Variants in BPIFB2 observed in about 807,000 individuals in gnomAD.
The protein encoded by BPIFB2 is BPI fold-containing family B member 2.
BPIFB2 carries 39 observed loss-of-function variants against 50.1 expected under a neutral mutation model. The ratio of observed to expected loss-of-function variants is 0.78; its 90% confidence interval spans 0.60 to 1.02. The LOEUF is 1.02. Ranked by LOEUF, BPIFB2 falls within the 50% of genes least tolerant of loss-of-function variation. BPIFB2 has a pLI of 0.00. For missense variants in BPIFB2, 574 were observed against 585.8 expected (o/e 0.98, Z 0.21); for synonymous variants, 280 against 256.3 (o/e 1.09, Z -0.88).
rs764106425 is a variant in BPIFB2 at position 33,020,351 on chromosome 20, C to T, written c.1104C>T (p.Leu368=). The T allele has an allele frequency of 1.9e-6, 3 of 1,614,148 alleles. No individual in the cohort carries two copies. Among genetic ancestry groups the T allele is most frequent in the Non-Finnish European group, 1.7e-6 (2 of 1,180,010 alleles). The change falls in exon 12 of 16, where the codon CTC becomes CTT. Residue 368 remains leucine, a synonymous_variant. Transcript: ENST00000170150. ...AGGTAGTGAACTTGAGACTCCAGCT[C>T]TCTGTGTCCAAGGTGAAGCTTCAGG... ...LDVVVNLRLQ[L]SVSKVKLQGT... is the part of the protein sequence containing the mutation.
intron 6 of BPIFB2, among the ~76,000 whole-genome samples, chr20:33,016,088 G>A (rs1250068322): frequency 1.3e-5 from 2 of 152,044 alleles, no homozygotes; most frequent in African/African-American, 4.8e-5. Context: ...TAGCCCAGGG[G>A]CTAGGGTCCC....
chr20:33,017,081 G>A lies in BPIFB2; in HGVS notation c.556G>A (p.Val186Ile). Reference protein sequence around the residue: ...SISNLVQGVNVHLGTLIGLNP... With the variant: ...SISNLVQGVNIHLGTLIGLNP... ...CTCCAACCTGGTGCAGGGTGTCAATGTCCACCTGGGCACCTTAATTGGTAA... is the reference window on the plus strand; with the variant it reads ...CTCCAACCTGGTGCAGGGTGTCAATATCCACCTGGGCACCTTAATTGGTAA... The change falls in exon 7 of 16, where the codon GTC becomes ATC. Residue 186 changes from valine to isoleucine, a missense_variant. Coordinates refer to ENST00000170150, the MANE Select transcript of BPIFB2 (RefSeq NM_025227.3). 2 of 1,614,092 alleles carry A rather than the reference G, an allele frequency of 1.2e-6. No individual in the cohort carries two copies. Among genetic ancestry groups the A allele is most frequent in the South Asian group, 1.1e-5 (1 of 91,074 alleles).
chr20:33,023,486 C>T lies in BPIFB2; in HGVS notation c.*103C>T, dbSNP rs1978758607. 6 of 1,366,814 alleles carry T rather than the reference C, an allele frequency of 4.4e-6. No individual in the cohort carries two copies. Among genetic ancestry groups the T allele is most frequent in the Non-Finnish European group, 6.2e-6 (6 of 964,540 alleles). The allele number at this position is 1,366,814 out of a possible 1,614,324, so 84.7% of individuals were successfully genotyped here. On this transcript the variant is annotated 3_prime_UTR_variant, in exon 16 of 16. Transcript: ENST00000170150. ...CTGAGGCAAAACCATACTTAGTCAT[C>T]ACCAACAAGCTGGACTGCTTAGCTG...
At chr20:33,016,979 C>A in intron 6 of BPIFB2, 63 bp from the exon 7 acceptor site, 14 of 1,492,952 alleles carry the variant, frequency 9.4e-6, no homozygotes, top group Non-Finnish European at 1.3e-5. Flanking sequence ...CCCCTCTCAG[C>A]CTTGTGCCCT....
Position 33,021,708 on chromosome 20 carries a change from C to T in BPIFB2, c.1259-15C>T. On this transcript the variant is annotated splice_polypyrimidine_tract_variant and intron_variant, in intron 14 of 15. Coordinates refer to ENST00000170150, the MANE Select transcript of BPIFB2 (RefSeq NM_025227.3). ...TGGCTCCAGGGGACGATCCTTTCTT[C>T]TTTCTCGCCTGCAGCTCTCTTGGCC... 6.2e-7 allele frequency: 1 copy of T among 1,613,612 alleles called. No homozygotes were observed. The highest frequency in any genetic ancestry group is 2.2e-5 in the East Asian group (1 of 44,884).
At chr20:33,016,155 G>A (rs1978420674) in intron 6 of BPIFB2, among the ~76,000 whole-genome samples, 1 of 151,974 alleles carries the variant, frequency 6.6e-6, no homozygotes, top group African/African-American at 2.4e-5. Context: ...CCCCACTACT[G>A]CTTTAAGGGG....
At position 33,019,601 on chromosome 20, in the gene BPIFB2, C is replaced by A; in HGVS notation, c.931C>A (p.Pro311Thr). ...CCAGGTGGCCCGCCAGTTTCCCGAGCCCATGCCTGTGGTGCTCAAGGTGCG... is the reference window on the plus strand; with the variant it reads ...CCAGGTGGCCCGCCAGTTTCCCGAGACCATGCCTGTGGTGCTCAAGGTGCG... ...IPEVARQFPE[P>T]MPVVLKVRLG... The change falls in exon 11 of 16, where the codon CCC (proline) becomes ACC (threonine). Residue 311 changes from proline (P) to threonine (T), a missense_variant. Transcript: ENST00000170150. 6.3e-7 allele frequency: 1 copy of A among 1,597,512 alleles called. No individual in the cohort carries two copies. Among genetic ancestry groups the A allele is most frequent in the Non-Finnish European group, 8.5e-7 (1 of 1,169,642 alleles).
At chr20:33,023,278 G>C in intron 15 of BPIFB2, 64 bp from the exon 16 acceptor site, 2 of 1,517,152 alleles carry the variant, frequency 1.3e-6, no homozygotes, top group Non-Finnish European at 1.8e-6. Flanking sequence ...GCCAGGCTGA[G>C]GGGGCGGCTG....
At chr20:33,010,018 C>T (rs1001932222) in intron 2 of BPIFB2, among the ~76,000 whole-genome samples, 3 of 152,294 alleles carry the variant, frequency 2.0e-5, no homozygotes, top group East Asian at 1.9e-4. Flanking sequence ...TGGAAACCAC[C>T]GCCTTTATGC....
intron 4 of BPIFB2, among the ~76,000 whole-genome samples, chr20:33,013,400 T>C (rs1451366015): frequency 6.6e-6 from 1 of 152,208 alleles, no homozygotes; most frequent in African/African-American, 2.4e-5. Flanking sequence ...ACACTATGAT[T>C]TTATGATTGC....
At chr20:33,015,612 A>C in intron 6 of BPIFB2, 116 bp downstream of exon 6, 1 of 749,448 alleles carries the variant, frequency 1.3e-6, no homozygotes. Flanking sequence ...AAAAAAAAAA[A>C]AGACGCCCCT....
intron 4 of BPIFB2, among the ~76,000 whole-genome samples, chr20:33,013,487 A>G (rs2146350686): frequency 6.6e-6 from 1 of 152,306 alleles, no homozygotes; most frequent in Middle Eastern, 3.4e-3. Context: ...CCTGCGAAAT[A>G]GGTCCCACCA....
At position 33,021,295 on chromosome 20, in the gene BPIFB2, C is replaced by T. The variant is rs752733814; in HGVS notation, c.1209C>T (p.Arg403=). 1 of 1,614,030 alleles carries T rather than the reference C, an allele frequency of 6.2e-7. No individual in the cohort carries two copies. The change falls in exon 14 of 16, where the codon CGC becomes CGT. Residue 403 remains arginine (R), a synonymous_variant. Transcript: ENST00000170150. ...CGTGGCCACAGACAGATCAGGTGCG[C>T]ACACTGATGGGCACCGTTTTTGAGA... ...NVGFIDTDQV[R]TLMGTVFEKP...
chr20:33,020,514 G>A, intron 12 of BPIFB2, 28 bp from the exon 13 acceptor site: 1 of 1,602,484 alleles, frequency 6.2e-7, no homozygotes, highest in Non-Finnish European at 8.5e-7. Flanking sequence ...GCCAGACCCT[G>A]TCCTGAATTC....
intron 6 of BPIFB2, among the ~76,000 whole-genome samples, chr20:33,015,726 G>A (rs1978402953): frequency 6.6e-6 from 1 of 152,036 alleles, no homozygotes. Context: ...GGGAGGGGGA[G>A]GTTCATCCTC....
chr20:33,021,609 C>A, intron 14 of BPIFB2, 114 bp from the exon 15 acceptor site: 1 of 1,143,200 alleles, frequency 8.7e-7, no homozygotes, highest in Non-Finnish European at 1.3e-6. Flanking sequence ...AGGGGTATAA[C>A]AATAATGGCA....
At position 33,008,633 on chromosome 20, in the gene BPIFB2, C is replaced by A. The variant is rs1049383724; in HGVS notation, c.59C>A (p.Ala20Asp). ...LLALLLPVVGASTPGTVVRLN... is the reference protein window; with the variant it reads ...LLALLLPVVGDSTPGTVVRLN... ...GCACTGCTGCTGCCCGTGGTCGGTG[C>A]CTCCACGCCAGGCACCGTGGTCCGA... is the stretch of plus-strand genomic sequence containing the variant. The change falls in exon 2 of 16, where the codon GCC (alanine) becomes GAC (aspartate). Residue 20 changes from alanine (A) to aspartate (D), a missense_variant. Coordinates refer to ENST00000170150, the MANE Select transcript of BPIFB2 (RefSeq NM_025227.3). 1.2e-6 allele frequency: 2 copies of A among 1,607,820 alleles called. No homozygotes were observed. Among genetic ancestry groups the A allele is most frequent in the African/African-American group, 1.3e-5 (1 of 74,776 alleles).
Position 33,023,614 on chromosome 20 carries a change from T to G in BPIFB2, c.*231T>G. The G allele has an allele frequency of 1.6e-6, 1 of 608,448 alleles. No homozygotes were observed. The highest frequency in any genetic ancestry group is 3.0e-6 in the Non-Finnish European group (1 of 338,548). 37.7% of individuals were successfully genotyped at this position (608,448 alleles called of 1,614,324 possible). On this transcript the variant is annotated 3_prime_UTR_variant, in exon 16 of 16. Coordinates refer to ENST00000170150, the MANE Select transcript of BPIFB2 (RefSeq NM_025227.3). ...CCTCTTCCCTCATCTCCCCCCTCCT[T>G]CCTCTGCCCCACCCCAGCGGGGAGC...
intron 14 of BPIFB2, 22 bp from the exon 15 acceptor site, chr20:33,021,701 C>G: frequency 6.2e-7 from 1 of 1,612,574 alleles, no homozygotes; most frequent in Non-Finnish European, 8.5e-7. Context: ...GGGGACGATC[C>G]TTTCTTCTTT....
Sources: gnomAD v4.1 joint callset for allele counts (sites outside exome capture counted in the v4.1 genomes callset) on GRCh38, gnomAD v4.1.1 for gene constraint, MANE v1.5 for transcripts, NCBI Gene and HGNC (gene_info 2026-07-23, HGNC 2026-07-21) for gene names.